CD86: variants seen among roughly 807,000 people sequenced by gnomAD.
CD86 encodes CD86 molecule, also known as T-lymphocyte activation antigen CD86.
CD86 carries 11 observed loss-of-function variants against 32.1 expected under a neutral mutation model. The observed-to-expected ratio is 0.34, with a 90% CI of 0.22 to 0.57. The LOEUF (loss-of-function observed/expected upper bound fraction) is 0.57, where lower values mean the gene tolerates loss of function less well. CD86 is among the 20% of genes least tolerant of loss of function. CD86 has a pLI of 0.86. For synonymous variants in CD86, 137 were observed against 135.3 expected, an observed-to-expected ratio of 1.01 and a Z score of -0.09; for missense variants, 359 against 398.4, an observed-to-expected ratio of 0.90 and a Z score of 0.84.
chr3:122,062,101 CA>C (rs1344827371), intron 1 of CD86, among the ~76,000 whole-genome samples: 2 of 145,780 alleles, frequency 1.4e-5, no homozygotes, highest in African/African-American at 2.5e-5. Context: ...AAAAAAAAAA[CA>C]AAAACTAAAA....
chr3:122,090,597 G>A (rs1261658096), intron 1 of CD86, among the ~76,000 whole-genome samples: 2 of 152,072 alleles, frequency 1.3e-5, no homozygotes, highest in Non-Finnish European at 2.9e-5. Flanking sequence ...TTTTCCACCT[G>A]TTTCTCATGT....
chr3:122,072,801 T>G (rs1368561682), intron 1 of CD86, among the ~76,000 whole-genome samples: 8 of 152,198 alleles, frequency 5.3e-5, no homozygotes, highest in Non-Finnish European at 1.2e-4. Context: ...ATGAAGTCCT[T>G]GCCCATGCCT....
intron 1 of CD86, among the ~76,000 whole-genome samples, chr3:122,071,252 C>T (rs891748465): frequency 1.3e-5 from 2 of 152,118 alleles, no homozygotes; most frequent in Non-Finnish European, 2.9e-5. Context: ...AGCTTCACTG[C>T]CCTAAGAATC....
intron 2 of CD86, among the ~76,000 whole-genome samples, chr3:122,101,821 G>A (rs182378765): frequency 3.3e-5 from 5 of 152,174 alleles, no homozygotes; most frequent in African/African-American, 1.2e-4. Flanking sequence ...GGTTTGCCTT[G>A]TAAGGTGATT....
At chr3:122,083,999 T>C (rs2072676534) in intron 1 of CD86, among the ~76,000 whole-genome samples, 1 of 152,192 alleles carries the variant, frequency 6.6e-6, no homozygotes, top group East Asian at 1.9e-4. Flanking sequence ...TGTATTCTTT[T>C]TTTCTGAGAT....
intron 1 of CD86, among the ~76,000 whole-genome samples, chr3:122,082,135 T>A (rs897753831): frequency 2.6e-5 from 4 of 152,202 alleles, no homozygotes; most frequent in Admixed American, 1.3e-4. Context: ...ATGTCTCTTC[T>A]GTGTTATCAC....
At chr3:122,109,610 C>T (rs1427662583) in intron 5 of CD86, among the ~76,000 whole-genome samples, 2 of 152,192 alleles carry the variant, frequency 1.3e-5, no homozygotes, top group Non-Finnish European at 1.5e-5. Flanking sequence ...CAAAGAAAGG[C>T]GACATTTCTA....
At chr3:122,097,133 C>T (rs761501023) in intron 2 of CD86, among the ~76,000 whole-genome samples, 1 of 152,114 alleles carries the variant, frequency 6.6e-6, no homozygotes, top group African/African-American at 2.4e-5. Context: ...TTTTTTAATA[C>T]GTGCCAATCA....
chr3:122,097,132 A>G (rs1028898772), intron 2 of CD86, among the ~76,000 whole-genome samples: 2 of 152,206 alleles, frequency 1.3e-5, no homozygotes, highest in African/African-American at 4.8e-5. Context: ...TTTTTTTAAT[A>G]CGTGCCAATC....
chr3:122,090,354 G>A (rs980034242), intron 1 of CD86, among the ~76,000 whole-genome samples: 2 of 152,208 alleles, frequency 1.3e-5, no homozygotes, highest in Non-Finnish European at 2.9e-5. Flanking sequence ...ATCAAGAATA[G>A]TTGTGCATCT....
intron 2 of CD86, 166 bp downstream of exon 2, chr3:122,091,816 T>C (rs1391603305): frequency 1.6e-6 from 1 of 643,908 alleles, no homozygotes. Context: ...GGAAGTGTTA[T>C]GATTGAGAGC....
intron 1 of CD86, among the ~76,000 whole-genome samples, chr3:122,075,151 A>G (rs1459642949): frequency 6.6e-6 from 1 of 151,648 alleles, no homozygotes; most frequent in African/African-American, 2.4e-5. Context: ...AGGCTAATTC[A>G]ATCTCTGACT....
intron 2 of CD86, among the ~76,000 whole-genome samples, chr3:122,099,008 G>T (rs891833875): frequency 6.6e-6 from 1 of 152,192 alleles, no homozygotes; most frequent in Non-Finnish European, 1.5e-5. Flanking sequence ...TGAAACTCTA[G>T]TGAAAGTTAT....
At chr3:122,108,566 C>T (rs1366823466) in intron 4 of CD86, among the ~76,000 whole-genome samples, 2 of 152,156 alleles carry the variant, frequency 1.3e-5, no homozygotes, top group Middle Eastern at 3.2e-3. Context: ...TGGGCGACTC[C>T]GTTCTAAGTT....
intron 1 of CD86, among the ~76,000 whole-genome samples, chr3:122,071,779 G>A (rs1170556827): frequency 1.3e-5 from 2 of 151,514 alleles, no homozygotes; most frequent in African/African-American, 4.9e-5. Flanking sequence ...ACAATGTGCA[G>A]GTTAGTTACA....
At chr3:122,099,190 G>C (rs985641856) in intron 2 of CD86, among the ~76,000 whole-genome samples, 1 of 152,178 alleles carries the variant, frequency 6.6e-6, no homozygotes, top group Non-Finnish European at 1.5e-5. Flanking sequence ...TCAGAGATTG[G>C]GAAAGAATAG....
intron 2 of CD86, among the ~76,000 whole-genome samples, chr3:122,092,863 C>G (rs2072847421): frequency 6.6e-6 from 1 of 152,228 alleles, no homozygotes; most frequent in Non-Finnish European, 1.5e-5. Flanking sequence ...AGTCAGGGAA[C>G]TACAAAGAGA....
chr3:122,063,155 G>A (rs2072363454), intron 1 of CD86, among the ~76,000 whole-genome samples: 1 of 151,946 alleles, frequency 6.6e-6, no homozygotes, highest in Non-Finnish European at 1.5e-5. Context: ...TTTCTTTTTC[G>A]CTTTCTGGAC....
At chr3:122,062,220 T>C (rs1356200375) in intron 1 of CD86, among the ~76,000 whole-genome samples, 1 of 152,176 alleles carries the variant, frequency 6.6e-6, no homozygotes, top group African/African-American at 2.4e-5. Flanking sequence ...GGAGTAATCA[T>C]GCTAATAAGT....
Sources: gnomAD v4.1 joint callset for allele counts (sites outside exome capture counted in the v4.1 genomes callset) on GRCh38, gnomAD v4.1.1 for gene constraint, MANE v1.5 for transcripts, NCBI Gene and HGNC (gene_info 2026-07-23, HGNC 2026-07-21) for gene names.